GPC1: variants seen among roughly 807,000 people sequenced by gnomAD.
The protein encoded by GPC1 is glypican-1.
Under a neutral mutation model 51.5 loss-of-function variants are expected in GPC1, and 26 were observed. That is an observed-to-expected ratio of 0.50 (90% confidence interval 0.37 to 0.70). GPC1 has a LOEUF of 0.70. Among genes scored for constraint, GPC1 ranks in the 30% least tolerant of loss-of-function variants. The pLI is 0.00. For synonymous variants in GPC1, 380 were observed against 348.3 expected (o/e 1.09, Z -1.01); for missense variants, 775 against 800.5 (o/e 0.97, Z 0.38).
chr2:240,451,302 G>A (rs1284571079), intron 1 of GPC1: 1 of 469,654 alleles, frequency 2.1e-6, no homozygotes, highest in African/African-American at 2.0e-5. Context: ...TGTGGCTGCT[G>A]CGTCCCCTTC....
chr2:240,445,206 C>T (rs377195764), intron 1 of GPC1, among the ~76,000 whole-genome samples: 4 of 152,184 alleles, frequency 2.6e-5, no homozygotes, highest in Middle Eastern at 3.2e-3. Flanking sequence ...GAACAGGTGC[C>T]TCCCTGTTCT....
chr2:240,466,488 G>A lies in GPC1; in HGVS notation c.*198G>A, dbSNP rs1284744991. 8 of 577,504 alleles carry A rather than the reference G, an allele frequency of 1.4e-5. No individual in the cohort carries two copies. The highest frequency in any genetic ancestry group is 9.1e-5 in the Admixed American group (3 of 32,954). The allele number at this position is 577,504 out of a possible 1,614,324, so 35.8% of individuals were successfully genotyped here. A position where few individuals can be genotyped will look rare whatever the true frequency, so the allele number is the denominator to read the frequency against. ...TTTCTGCCTTTTAATTTTGTATGAG[G>A]TCCTCAGGTCAGCTGGGAGCCAGTG... is the stretch of plus-strand genomic sequence containing the variant. On this transcript the variant is annotated 3_prime_UTR_variant, in exon 9 of 9. Transcript: ENST00000264039.
At chr2:240,442,929 T>C (rs7580870) in intron 1 of GPC1, among the ~76,000 whole-genome samples, 69,859 of 152,186 alleles carry the variant, frequency 0.46, 17,288 homozygotes, top group Non-Finnish European at 0.55. Context: ...CTCACCCCCG[T>C]CCACCTGAGG....
chr2:240,461,483 C>T (rs995003118), intron 2 of GPC1, among the ~76,000 whole-genome samples: 3 of 152,098 alleles, frequency 2.0e-5, no homozygotes, highest in African/African-American at 4.8e-5. Flanking sequence ...GCCCGGGGTA[C>T]GGGGGCTTTT....
rs1368463054 is a variant in GPC1 at position 240,435,753 on chromosome 2, C to T, written c.-166C>T. ...CCCCGCGCGCCCCGCGCCGCCGCCG[C>T]CGCCGGCTTTTGTTGTCTCCGCCTC... On this transcript the variant is annotated 5_prime_UTR_variant, in exon 1 of 9. Coordinates refer to ENST00000264039, the MANE Select transcript of GPC1 (RefSeq NM_002081.3). 5.7e-6 allele frequency: 2 copies of T among 349,182 alleles called. No homozygotes were observed. The highest frequency in any genetic ancestry group is 9.5e-6 in the Non-Finnish European group (2 of 209,718). 21.6% of individuals were successfully genotyped at this position (349,182 alleles called of 1,614,324 possible). A position where few individuals can be genotyped will look rare whatever the true frequency, so the allele number is the denominator to read the frequency against.
rs896508472 is a variant in GPC1, at chr2:240,468,038, T to G, written c.*1748T>G. The G allele has an allele frequency of 3.9e-5, 6 of 152,356 alleles. No homozygotes were observed. Among genetic ancestry groups the G allele is most frequent in the Non-Finnish European group, 1.5e-5 (1 of 68,140 alleles). The allele number at this position is 152,356 out of a possible 1,614,324, so 9.4% of individuals were successfully genotyped here. ...CTCAGTGTCAGCGGGTGACGTGTGT[T>G]CTTTTGAGTCCTTGTATGAATAAAA... On this transcript the variant is annotated 3_prime_UTR_variant, in exon 9 of 9. Transcript: ENST00000264039.
intron 2 of GPC1, 53 bp downstream of exon 2, chr2:240,459,241 G>A: frequency 1.3e-6 from 2 of 1,541,392 alleles, no homozygotes; most frequent in Non-Finnish European, 1.8e-6. Context: ...TGCATCGGGG[G>A]AGGGGCACAC....
At chr2:240,464,387 TTCACCTGTGCCCGTGGC>T (rs1166895157) in intron 4 of GPC1, 4 of 547,344 alleles carry the variant, frequency 7.3e-6, no homozygotes, top group Non-Finnish European at 1.3e-5. Context: ...TATGTGCGTG[TTCACCTGTGCCCGTGGC>T]ACAGGTGCAC....
In GPC1 at chr2:240,465,106, C is replaced by T. The variant is rs755771573; in HGVS notation, c.1164C>T (p.Asp388=). The part of the protein sequence containing the change: ...LVSEAKAQLR[D]VQDFWISLPG... ...CCGAAGCCAAGGCCCAGCTCCGCGA[C>T]GTCCAGGACTTCTGGATCAGCCTCC... The change falls in exon 7 of 9, where the codon GAC becomes GAT. Residue 388 remains aspartate (D), a synonymous_variant. Coordinates refer to ENST00000264039, the MANE Select transcript of GPC1 (RefSeq NM_002081.3). 4.6e-5 allele frequency: 74 copies of T among 1,610,730 alleles called. No homozygotes were observed. The highest frequency in any genetic ancestry group is 5.5e-5 in the South Asian group (5 of 90,534).
chr2:240,446,118 GAGA>G lies in GPC1; in HGVS notation c.166+10037_166+10039del, dbSNP rs1270050095. On this transcript the variant is annotated intron_variant, in intron 1 of 8. Transcript: ENST00000264039. ...TGAGCAGCAAGTCGCCCTCGCAGCA[GAGA>G]AGGAGAGGCTTGGGGCCCAGTGTGT... Among the ~76,000 whole-genome samples the G allele has an allele frequency of 1.2e-4, 18 of 152,388 alleles. 1 individual carries two copies. Among genetic ancestry groups the G allele is most frequent in the South Asian group, 2.1e-4 (1 of 4,824 alleles).
intron 1 of GPC1, among the ~76,000 whole-genome samples, chr2:240,445,555 A>G (rs1014102893): frequency 3.3e-5 from 5 of 152,088 alleles, no homozygotes; most frequent in African/African-American, 1.2e-4. Context: ...GGATGGGAGG[A>G]AGGGCAGACT....
At chr2:240,461,165 TGG>T (rs2074211859) in intron 2 of GPC1, among the ~76,000 whole-genome samples, 1 of 152,182 alleles carries the variant, frequency 6.6e-6, no homozygotes, top group African/African-American at 2.4e-5. Flanking sequence ...AGGTGGACAC[TGG>T]ACAGCTGTGT....
Position 240,463,433 on chromosome 2 carries a change from C to T in GPC1, c.804C>T (p.Cys268=), listed in dbSNP as rs1018432306. The T allele has an allele frequency of 1.9e-6, 3 of 1,612,636 alleles. No homozygotes were observed. In the African/African-American group the frequency reaches 4.0e-5, roughly 22 times the overall value. The change falls in exon 4 of 9, where the codon TGC becomes TGT. Residue 268 remains cysteine (C), a synonymous_variant. Coordinates refer to ENST00000264039, the MANE Select transcript of GPC1 (RefSeq NM_002081.3). The part of the protein sequence containing the change: ...HCLGVPGARP[C]PDYCRNVLKG... ...TGGGAGTCCCCGGCGCCAGGCCCTG[C>T]CCTGACTATTGCCGAAATGTGCTCA... is the stretch of plus-strand genomic sequence containing the variant.
At chr2:240,441,852 C>T (rs1168447297) in intron 1 of GPC1, among the ~76,000 whole-genome samples, 1 of 152,222 alleles carries the variant, frequency 6.6e-6, no homozygotes, top group Non-Finnish European at 1.5e-5. Flanking sequence ...CACGCAGCAG[C>T]CAGGTGTTGG....
intron 1 of GPC1, among the ~76,000 whole-genome samples, chr2:240,446,163 C>G (rs528449790): frequency 1.3e-5 from 2 of 152,374 alleles, no homozygotes; most frequent in Admixed American, 1.3e-4. Context: ...CCAGGAGGGC[C>G]CACGGTGGCC....
chr2:240,459,065 T>G lies in GPC1; in HGVS notation c.202T>G (p.Cys68Gly). 6.2e-7 allele frequency: 1 copy of G among 1,612,898 alleles called. No individual in the cohort carries two copies. The highest frequency in any genetic ancestry group is 8.5e-7 in the Non-Finnish European group (1 of 1,179,910). ...HLRICPQGYT[C>G]CTSEMEENLA... ...GCGGATCTGTCCCCAGGGCTACACC[T>G]GCTGCACCAGCGAGATGGAGGAGAA... The change falls in exon 2 of 9, where the codon TGC (cysteine) becomes GGC (glycine). Residue 68 changes from cysteine to glycine, a missense_variant. By Grantham distance (159) the Cys-to-Gly change is radical. Coordinates refer to ENST00000264039, the MANE Select transcript of GPC1 (RefSeq NM_002081.3).
At chr2:240,461,019 G>A (rs1440345898) in intron 2 of GPC1, among the ~76,000 whole-genome samples, 1 of 152,038 alleles carries the variant, frequency 6.6e-6, no homozygotes, top group Non-Finnish European at 1.5e-5. Flanking sequence ...GCAGCTGAAT[G>A]GGTTCTGGCA....
intron 1 of GPC1, chr2:240,451,384 T>C (rs528170570): frequency 2.4e-6 from 1 of 409,600 alleles, no homozygotes; most frequent in East Asian, 7.3e-5. Flanking sequence ...CCTCCTTGGG[T>C]GCCTGTGGCC....
intron 1 of GPC1, chr2:240,456,701 G>C (rs1418243096): frequency 2.2e-6 from 1 of 454,640 alleles, no homozygotes; most frequent in Non-Finnish European, 4.7e-6. Flanking sequence ...TCCTGAGTCT[G>C]CTCAGCCTGG....
Sources: gnomAD v4.1 joint callset for allele counts (sites outside exome capture counted in the v4.1 genomes callset) on GRCh38, gnomAD v4.1.1 for gene constraint, MANE v1.5 for transcripts, NCBI Gene and HGNC (gene_info 2026-07-23, HGNC 2026-07-21) for gene names.